TMEM80: variants seen among roughly 807,000 people sequenced by gnomAD.
The protein encoded by TMEM80 is transmembrane protein 80.
Under a neutral mutation model 13.6 loss-of-function variants are expected in TMEM80, and 16 were observed. That is an observed-to-expected ratio of 1.17 (90% confidence interval 0.79 to 1.78). TMEM80 has a LOEUF of 1.78. Among genes scored for constraint, TMEM80 ranks in the 40% most tolerant of loss-of-function variants. TMEM80 has a pLI of 0.00. For missense variants in TMEM80, 167 were observed against 184.6 expected, an observed-to-expected ratio of 0.90 and a Z score of 0.55; for synonymous variants, 92 against 89.5, an observed-to-expected ratio of 1.03 and a Z score of -0.16.
At chr11:702,843 C>T (rs2133475888) in intron 4 of TMEM80, 102 bp from the exon 5 acceptor site, 2 of 1,157,978 alleles carry the variant, frequency 1.7e-6, no homozygotes, top group East Asian at 4.9e-5. Context: ...GAACGTAGGG[C>T]AAGGAGCTGC....
chr11:696,036 C>T (rs10902195), intron 1 of TMEM80, among the ~76,000 whole-genome samples, 190 bp downstream of exon 1: 42,642 of 151,830 alleles, frequency 0.28, 6,242 homozygotes, highest in Non-Finnish European at 0.32. Flanking sequence ...CGTCCTGCAC[C>T]CCGAAGAGCT....
At chr11:698,112 T>C (rs1861281946) in intron 1 of TMEM80, 1 of 152,204 alleles carries the variant, frequency 6.6e-6, no homozygotes, top group African/African-American at 2.4e-5. Context: ...TAGATGTGTA[T>C]TGAGGTATCT....
At chr11:699,926 G>A (rs896388437) in intron 2 of TMEM80, 7 of 549,726 alleles carry the variant, frequency 1.3e-5, no homozygotes, top group Non-Finnish European at 2.3e-5. Context: ...GTGGCATGGA[G>A]GGGGGTCCCA....
chr11:697,026 G>T (rs1156790318), intron 1 of TMEM80, among the ~76,000 whole-genome samples: 1 of 151,604 alleles, frequency 6.6e-6, no homozygotes, highest in East Asian at 2.0e-4. Context: ...GGGGGGGGTG[G>T]GGTGCGGAGG....
At position 701,708 on chromosome 11, in the gene TMEM80, C is replaced by T. The variant is rs1237886537; in HGVS notation, c.226+1001C>T. Among the ~76,000 whole-genome samples, 6 of 152,098 alleles carry T rather than the reference C, an allele frequency of 3.9e-5. No individual in the cohort carries two copies. The East Asian group carries it at 5.8e-4, about 15-fold the overall frequency. On this transcript the variant is annotated intron_variant, in intron 4 of 4. Coordinates refer to ENST00000397510, the MANE Select transcript of TMEM80 (RefSeq NM_001042463.3). ...ACAGGCGTGAGCCACCGCGCCCGGC[C>T]GGAGACAGGGTTTCGCTATGTTACC...
At chr11:700,473 G>A (rs1861399216) in intron 3 of TMEM80, 142 bp from the exon 4 acceptor site, 1 of 790,242 alleles carries the variant, frequency 1.3e-6, no homozygotes, top group Non-Finnish European at 2.2e-6. Flanking sequence ...GTTCCAGTGA[G>A]CCAAGATTGC....
At chr11:702,234 G>A (rs1300095437) in intron 4 of TMEM80, among the ~76,000 whole-genome samples, 1 of 152,252 alleles carries the variant, frequency 6.6e-6, no homozygotes, top group African/African-American at 2.4e-5. Context: ...CCGGCCGTCA[G>A]TGTCTTGTCT....
intron 4 of TMEM80, 136 bp from the exon 5 acceptor site, chr11:702,809 C>T: frequency 1.2e-6 from 1 of 836,130 alleles, no homozygotes. Flanking sequence ...AGGCTGTTTC[C>T]CTGGAATTCC....
At chr11:696,856 G>A (rs1590031852) in intron 1 of TMEM80, among the ~76,000 whole-genome samples, 5 of 125,224 alleles carry the variant, frequency 4.0e-5, no homozygotes, top group Admixed American at 8.6e-5. Flanking sequence ...AAAGCGGGCG[G>A]ATCACCTGAG....
chr11:695,772 C>A (rs1861104961), upstream of TMEM80: 15 of 1,237,612 alleles, frequency 1.2e-5, no homozygotes, highest in Non-Finnish European at 1.5e-5. Flanking sequence ...GGAGCGCGAG[C>A]GCGCGGGCCG....
chr11:699,883 G>A (rs2133461003), intron 2 of TMEM80: 1 of 465,312 alleles, frequency 2.1e-6, no homozygotes, highest in Non-Finnish European at 3.8e-6. Context: ...ACAGTCAGGA[G>A]GGCAGGGGCT....
chr11:703,695 G>A lies in TMEM80; in HGVS notation c.*545G>A. ...CCCAGCTCTGCCTCACAGGCAGGCA[G>A]GCCCGGTGCAAGAGTGGACTCTGGG... On this transcript the variant is annotated 3_prime_UTR_variant, in exon 5 of 5. Coordinates refer to ENST00000397510, the MANE Select transcript of TMEM80 (RefSeq NM_001042463.3). 3 of 1,232,380 alleles carry A rather than the reference G, an allele frequency of 2.4e-6. No homozygotes were observed. The highest frequency in any genetic ancestry group is 4.2e-5 in the Admixed American group (1 of 23,770). The allele number at this position is 1,232,380 out of a possible 1,614,324, so 76.3% of individuals were successfully genotyped here. A position where few individuals can be genotyped will look rare whatever the true frequency, so the allele number is the denominator to read the frequency against.
In TMEM80 at chr11:700,125, C is replaced by G; in HGVS notation, c.40-17C>G. ...TCCCAAGCCTGTTGAGCTTGAGGAT[C>G]CTTAACCACTCACCAGCTCTCTTCA... On this transcript the variant is annotated splice_polypyrimidine_tract_variant and intron_variant, in intron 2 of 4. Transcript: ENST00000397510. 1.9e-6 allele frequency: 3 copies of G among 1,611,620 alleles called. No individual in the cohort carries two copies. Among genetic ancestry groups the G allele is most frequent in the Non-Finnish European group, 2.5e-6 (3 of 1,177,852 alleles).
At chr11:704,635 C>A, downstream of TMEM80, 1 of 1,289,350 alleles carries the variant, frequency 7.8e-7, no homozygotes, top group African/African-American at 1.5e-5. Context: ...GACCTGTTGC[C>A]TTCATGGTTA....
In TMEM80 at chr11:699,283, TCA is replaced by T. The variant is rs1470385579; in HGVS notation, c.39+398_39+399del. The T allele has an allele frequency of 2.4e-5, 6 of 249,232 alleles. No individual in the cohort carries two copies. In the South Asian group the frequency reaches 3.6e-4, roughly 15 times the overall value. The allele number at this position is 249,232 out of a possible 1,614,324, so 15.4% of individuals were successfully genotyped here. A position where few individuals can be genotyped will look rare whatever the true frequency, so the allele number is the denominator to read the frequency against. ...TCTCACCCAGGCTGGAGTGTGGCAA[TCA>T]CAGCTCACTGCAGCCTCAGCCTCCT... is the stretch of plus-strand genomic sequence containing the variant. On this transcript the variant is annotated intron_variant, in intron 2 of 4. Coordinates refer to ENST00000397510, the MANE Select transcript of TMEM80 (RefSeq NM_001042463.3).
intron 4 of TMEM80, 51 bp downstream of exon 4, chr11:700,758 G>A: frequency 6.8e-7 from 1 of 1,474,052 alleles, no homozygotes; most frequent in Non-Finnish European, 9.5e-7. Context: ...GTTGCTATCT[G>A]TTTCCACAGC....
At chr11:698,652 C>A (rs980524404) in intron 1 of TMEM80, among the ~76,000 whole-genome samples, 1 of 152,136 alleles carries the variant, frequency 6.6e-6, no homozygotes, top group Non-Finnish European at 1.5e-5. Flanking sequence ...TCTCCAGCCT[C>A]AGGTTCTGAA....
intron 2 of TMEM80, 68 bp downstream of exon 2, chr11:698,956 C>G: frequency 5.0e-6 from 8 of 1,588,756 alleles, no homozygotes; most frequent in Non-Finnish European, 6.0e-6. Context: ...AGAGAGCACT[C>G]GGCCTCACCC....
At position 703,729 on chromosome 11, in the gene TMEM80, G is replaced by A; in HGVS notation, c.*579G>A. The A allele has an allele frequency of 8.1e-7, 1 of 1,232,584 alleles. No homozygotes were observed. The allele number at this position is 1,232,584 out of a possible 1,614,324, so 76.4% of individuals were successfully genotyped here. ...CAAGAGTGGACTCTGGGTTCCTAAA[G>A]CAATAAATGCAAACAAGCCAACAGC... On this transcript the variant is annotated 3_prime_UTR_variant, in exon 5 of 5. Coordinates refer to ENST00000397510, the MANE Select transcript of TMEM80 (RefSeq NM_001042463.3).
Sources: allele counts gnomAD v4.1 joint callset (sites outside exome capture counted in the v4.1 genomes callset), GRCh38; gene constraint gnomAD v4.1.1; transcripts MANE v1.5; gene names NCBI Gene and HGNC (gene_info 2026-07-23, HGNC 2026-07-21).